Variants in RBPJ observed in about 807,000 individuals in gnomAD.
The protein encoded by RBPJ is recombination signal binding protein for immunoglobulin kappa J region, also known as recombining binding protein suppressor of hairless.
A neutral mutation model predicts 67.8 loss-of-function variants in RBPJ; 9 were observed. That is an observed-to-expected ratio of 0.13 (90% CI 0.08 to 0.23). RBPJ has a LOEUF of 0.23. RBPJ is among the 10% of genes least tolerant of loss of function. RBPJ has a pLI of 1.00. For missense variants in RBPJ, 305 were observed against 595.6 expected (o/e 0.51, Z 5.08); for synonymous variants, 198 against 203.3 (o/e 0.97, Z 0.22).
At chr4:26,414,243 C>T (rs547646899) in intron 3 of RBPJ, among the ~76,000 whole-genome samples, 15 of 152,164 alleles carry the variant, frequency 9.9e-5, no homozygotes, top group African/African-American at 3.6e-4. Flanking sequence ...TATGACAGCT[C>T]ACCACAGCCT....
intron 1 of RBPJ, among the ~76,000 whole-genome samples, chr4:26,199,269 C>T (rs1577464013): frequency 6.6e-6 from 1 of 152,122 alleles, no homozygotes; most frequent in African/African-American, 2.4e-5. Context: ...CATGGTGAAA[C>T]CCCATCTCTA....
At chr4:26,128,397 T>C in the RBPJ span, among the ~76,000 whole-genome samples, 1 of 152,202 alleles carries the variant, frequency 6.6e-6, no homozygotes, top group African/African-American at 2.4e-5. Context: ...ATAATAATAA[T>C]GGCAAACATT....
At chr4:26,159,488 C>T (rs1419429599), upstream of RBPJ, among the ~76,000 whole-genome samples, 1 of 152,126 alleles carries the variant, frequency 6.6e-6, no homozygotes, top group African/African-American at 2.4e-5. Flanking sequence ...CCCAGTACTT[C>T]CCAAAGAACA....
chr4:26,312,085 C>T (rs886141988), intron 1 of RBPJ, among the ~76,000 whole-genome samples: 2 of 152,146 alleles, frequency 1.3e-5, no homozygotes, highest in African/African-American at 2.4e-5. Context: ...TTTTGATGCC[C>T]ACTAAGTTCT....
intron 1 of RBPJ, among the ~76,000 whole-genome samples, chr4:26,215,228 A>G (rs571107479): frequency 1.4e-4 from 2 of 14,200 alleles, no homozygotes; most frequent in Non-Finnish European, 2.4e-4. Context: ...AAAAGAGAGA[A>G]AAGAGAGAAA....
chr4:26,176,719 G>A (rs1474083226), intron 1 of RBPJ, among the ~76,000 whole-genome samples: 1 of 152,172 alleles, frequency 6.6e-6, no homozygotes, highest in Non-Finnish European at 1.5e-5. Context: ...GAGAAGCTTC[G>A]AGTCACATTA....
At chr4:26,371,232 T>C (rs532092684) in intron 1 of RBPJ, among the ~76,000 whole-genome samples, 1 of 152,346 alleles carries the variant, frequency 6.6e-6, no homozygotes, top group East Asian at 1.9e-4. Context: ...AATAATAATG[T>C]AGTTTAATAG....
chr4:26,279,518 C>T (rs1721190536), intron 1 of RBPJ, among the ~76,000 whole-genome samples: 1 of 152,186 alleles, frequency 6.6e-6, no homozygotes, highest in Non-Finnish European at 1.5e-5. Context: ...CCTCGTGATC[C>T]ACCCGCCTCG....
chr4:26,331,518 C>T (rs779829868), intron 1 of RBPJ, among the ~76,000 whole-genome samples: 2 of 152,174 alleles, frequency 1.3e-5, no homozygotes, highest in African/African-American at 2.4e-5. Context: ...TCCCTCAGCA[C>T]CCAAGCCTTG....
intron 1 of RBPJ, among the ~76,000 whole-genome samples, chr4:26,336,144 T>C (rs138795850): frequency 6.2e-4 from 94 of 152,316 alleles, no homozygotes; most frequent in African/African-American, 2.2e-3. Context: ...CAAATACATA[T>C]TAATTGTAGG....
intron 1 of RBPJ, among the ~76,000 whole-genome samples, chr4:26,335,402 G>A (rs1288747190): frequency 6.6e-6 from 1 of 151,820 alleles, no homozygotes; most frequent in Non-Finnish European, 1.5e-5. Flanking sequence ...GGATGGTCTC[G>A]ATCTCCTGAC....
At chr4:26,185,876 T>A (rs1036609573) in intron 1 of RBPJ, among the ~76,000 whole-genome samples, 12 of 152,122 alleles carry the variant, frequency 7.9e-5, no homozygotes, top group African/African-American at 2.7e-4. Context: ...TGAAATCCTG[T>A]CTCTACTGAA....
chr4:26,215,228 A>AGGGGGG (rs1271792041), intron 1 of RBPJ, among the ~76,000 whole-genome samples: 1 of 14,192 alleles, frequency 7.0e-5, no homozygotes, highest in Non-Finnish European at 1.2e-4. Context: ...AAAAGAGAGA[A>AGGGGGG]AAGAGAGAAA....
intron 1 of RBPJ, among the ~76,000 whole-genome samples, chr4:26,298,068 T>C (rs1721945908): frequency 6.6e-6 from 1 of 152,236 alleles, no homozygotes; most frequent in Non-Finnish European, 1.5e-5. Flanking sequence ...TGAAACGGAT[T>C]AATGTTTTAA....
chr4:26,271,071 A>T (rs1038984135), intron 1 of RBPJ, among the ~76,000 whole-genome samples: 1 of 151,994 alleles, frequency 6.6e-6, no homozygotes, highest in Admixed American at 6.5e-5. Context: ...TGCCTAATTT[A>T]TTTTTTAAAT....
chr4:26,113,742 A>G, the RBPJ span: 1 of 275,636 alleles, frequency 3.6e-6, no homozygotes, highest in Admixed American at 3.6e-5. Flanking sequence ...GACAAACCCT[A>G]TAAATGTAGT....
At position 26,293,608 on chromosome 4, in the gene RBPJ, C is replaced by T. The variant is rs186522921; in HGVS notation, c.-166-68838C>T. ...CTGTGATTGTGCCATAGTACTCCAG[C>T]CTGGGTGACAGAGTGAGACCATGTC... On this transcript the variant is annotated intron_variant, in intron 1 of 4. Coordinates refer to the RBPJ transcript ENST00000512351. Among the ~76,000 whole-genome samples the T allele has an allele frequency of 1.1e-4, 16 of 150,140 alleles. No homozygotes were observed. In the South Asian group the frequency reaches 3.4e-3, roughly 31 times the overall value.
At chr4:26,114,558 A>C in the RBPJ span, among the ~76,000 whole-genome samples, 1 of 150,916 alleles carries the variant, frequency 6.6e-6, no homozygotes, top group African/African-American at 2.4e-5. Context: ...ATGCTAATGT[A>C]GCAAATTTTG....
At chr4:26,362,706 A>T in intron 1 of RBPJ, 1 of 1,091,432 alleles carries the variant, frequency 9.2e-7, no homozygotes, top group East Asian at 2.4e-5. Context: ...TAGTTAATGC[A>T]TATTTAAGAT....
Sources: gnomAD v4.1 joint callset for allele counts (sites outside exome capture counted in the v4.1 genomes callset) on GRCh38, gnomAD v4.1.1 for gene constraint, MANE v1.5 for transcripts, NCBI Gene and HGNC (gene_info 2026-07-23, HGNC 2026-07-21) for gene names.